The following C16orf96 variants were observed in gnomAD, a reference collection of about 807,000 sequenced individuals.
The protein encoded by C16orf96 is chromosome 16 open reading frame 96.
C16orf96 carries 108 observed loss-of-function variants against 103.6 expected under a neutral mutation model. That is an observed-to-expected ratio of 1.04 (90% CI 0.89 to 1.22). C16orf96 has a LOEUF of 1.22. C16orf96 is among the 50% of genes most tolerant of loss of function. The probability of loss-of-function intolerance (pLI) is 0.00; values close to 1 mark genes in which losing one functional copy is unlikely to be tolerated. For synonymous variants in C16orf96, 566 were observed against 593.5 expected, an observed-to-expected ratio of 0.95 and a Z score of 0.67; for missense variants, 1,586 against 1,464.2, an observed-to-expected ratio of 1.08 and a Z score of -1.36.
At position 4,576,606 on chromosome 16, in the gene C16orf96, G is replaced by A; in HGVS notation, c.2126G>A (p.Cys709Tyr). 1.3e-6 allele frequency: 2 copies of A among 1,551,514 alleles called. No homozygotes were observed. The highest frequency in any genetic ancestry group is 1.2e-5 in the South Asian group (1 of 84,046). ...AAGGAAGAATTTGCCCAGCTGTCCTGTAACCTGAACCAGCGCTTGAGTTAT... is the reference window on the plus strand; with the variant it reads ...AAGGAAGAATTTGCCCAGCTGTCCTATAACCTGAACCAGCGCTTGAGTTAT... ...SLKEEFAQLS[C>Y]NLNQRLSYLA... The change falls in exon 5 of 16, where the codon TGT becomes TAT. Residue 709 changes from cysteine to tyrosine, a missense_variant. Physicochemically the swap from Cys to Tyr is radical, Grantham distance 194. Coordinates refer to ENST00000444310, the MANE Select transcript of C16orf96 (RefSeq NM_001145011.2).
chr16:4,554,587 C>T (rs559610344), upstream of C16orf96, among the ~76,000 whole-genome samples: 27 of 151,992 alleles, frequency 1.8e-4, no homozygotes, highest in South Asian at 2.7e-3. Flanking sequence ...AATCTTCTGA[C>T]CTCGTGATCT....
chr16:4,586,417 G>T (rs760233750), intron 7 of C16orf96, among the ~76,000 whole-genome samples: 6 of 152,230 alleles, frequency 3.9e-5, no homozygotes, highest in African/African-American at 9.7e-5. Context: ...GCGTGAGCGG[G>T]ACACCCGACA....
At chr16:4,544,855 G>T in the C16orf96 span, among the ~76,000 whole-genome samples, 75 of 152,178 alleles carry the variant, frequency 4.9e-4, no homozygotes, top group African/African-American at 1.6e-3. Flanking sequence ...ACGGGAACTG[G>T]GGACTAGATG....
the C16orf96 span, among the ~76,000 whole-genome samples, chr16:4,542,235 C>T: frequency 2.5e-3 from 379 of 152,282 alleles, 5 homozygotes; most frequent in Non-Finnish European, 3.8e-3. Context: ...TGTGGTGGCT[C>T]ATGCCCATAG....
the C16orf96 span, among the ~76,000 whole-genome samples, chr16:4,546,859 T>A: frequency 1.3e-5 from 2 of 152,350 alleles, no homozygotes; most frequent in East Asian, 3.9e-4. Flanking sequence ...TATTATTCAT[T>A]CCATAAAAAG....
chr16:4,592,822 C>T (rs141219874), intron 11 of C16orf96, among the ~76,000 whole-genome samples: 109 of 152,176 alleles, frequency 7.2e-4, no homozygotes, highest in Admixed American at 1.2e-3. Context: ...TAGGATTGTG[C>T]CACTGCTCTC....
Position 4,575,247 on chromosome 16 carries a change from C to T in C16orf96, c.767C>T (p.Thr256Ile), listed in dbSNP as rs576640190. 1.9e-6 allele frequency: 3 copies of T among 1,549,338 alleles called. No individual in the cohort carries two copies. In the East Asian group the frequency reaches 7.3e-5, roughly 38 times the overall value. Residue 256 changes from threonine to isoleucine, a missense_variant, in exon 5 of 16, where the codon ACC (threonine) becomes ATC (isoleucine). Physicochemically the swap from Thr to Ile is moderately conservative, Grantham distance 89. Coordinates refer to ENST00000444310, the MANE Select transcript of C16orf96 (RefSeq NM_001145011.2). ...CCAGAGGCTGCCCTGGCCCAGACCA[C>T]CAAGTACCTTGAAGCTACTCGTGCC... is the stretch of plus-strand genomic sequence containing the variant. ...QLPEAALAQT[T>I]KYLEATRAIQ...
chr16:4,539,067 T>C, the C16orf96 span, among the ~76,000 whole-genome samples: 13 of 152,186 alleles, frequency 8.5e-5, no homozygotes, highest in Non-Finnish European at 1.9e-4. Context: ...GCGACTAATA[T>C]TTATTGAGTT....
At chr16:4,577,587 C>T (rs866699949) in intron 5 of C16orf96, among the ~76,000 whole-genome samples, 1 of 151,186 alleles carries the variant, frequency 6.6e-6, no homozygotes, top group Non-Finnish European at 1.5e-5. Flanking sequence ...GGAGGCGAAG[C>T]TTGCAGTGAG....
intron 7 of C16orf96, among the ~76,000 whole-genome samples, chr16:4,583,319 G>A (rs766675309): frequency 2.0e-5 from 3 of 151,710 alleles, no homozygotes; most frequent in South Asian, 2.1e-4. Flanking sequence ...TGGACAATAC[G>A]GCAAGGCCCC....
At chr16:4,559,340 C>T (rs1324754506) in intron 1 of C16orf96, among the ~76,000 whole-genome samples, 1 of 151,740 alleles carries the variant, frequency 6.6e-6, no homozygotes, top group Non-Finnish European at 1.5e-5. Flanking sequence ...GTCAGGAGTT[C>T]GTGACCAGCC....
intron 5 of C16orf96, among the ~76,000 whole-genome samples, chr16:4,578,270 G>A (rs2059538314): frequency 6.6e-6 from 1 of 152,000 alleles, no homozygotes; most frequent in Non-Finnish European, 1.5e-5. Context: ...AGCCTTCCAA[G>A]TAGCTGGGAC....
chr16:4,583,698 G>A (rs142721610), intron 7 of C16orf96, among the ~76,000 whole-genome samples: 114 of 152,100 alleles, frequency 7.5e-4, no homozygotes, highest in African/African-American at 2.7e-3. Flanking sequence ...CGACATGGGC[G>A]GATCACTTGA....
the C16orf96 span, among the ~76,000 whole-genome samples, chr16:4,545,930 A>G: frequency 6.6e-6 from 1 of 151,588 alleles, no homozygotes; most frequent in African/African-American, 2.4e-5. Flanking sequence ...GCTCACCACA[A>G]CTTCCGCCTC....
At chr16:4,572,766 T>C (rs149410174) in intron 2 of C16orf96, among the ~76,000 whole-genome samples, 4 of 152,262 alleles carry the variant, frequency 2.6e-5, no homozygotes, top group African/African-American at 9.6e-5. Flanking sequence ...ATAATCATAA[T>C]AGTGCAGGCA....
chr16:4,554,746 G>A (rs867229776), upstream of C16orf96, among the ~76,000 whole-genome samples: 10 of 149,710 alleles, frequency 6.7e-5, no homozygotes, highest in Middle Eastern at 3.7e-3. Context: ...TCTGCCTCCC[G>A]GGTTCAAGTG....
intron 5 of C16orf96, 87 bp from the exon 6 acceptor site, chr16:4,578,853 A>G (rs2059546248): frequency 3.1e-6 from 3 of 952,962 alleles, no homozygotes; most frequent in Non-Finnish European, 1.6e-6. Flanking sequence ...GCTGCCTGAG[A>G]TGCTCCATAA....
intron 1 of C16orf96, chr16:4,563,008 T>C (rs1463119580): frequency 3.8e-6 from 4 of 1,060,938 alleles, no homozygotes; most frequent in East Asian, 2.4e-5. Context: ...ATCTGAAACA[T>C]GTTACCATCT....
upstream of C16orf96, among the ~76,000 whole-genome samples, chr16:4,554,236 G>A (rs1184786205): frequency 2.0e-5 from 3 of 152,232 alleles, no homozygotes; most frequent in African/African-American, 4.8e-5. Context: ...GAGCACAGGG[G>A]TTGTGAAGAG....
Sources: allele counts gnomAD v4.1 joint callset (sites outside exome capture counted in the v4.1 genomes callset), GRCh38; gene constraint gnomAD v4.1.1; transcripts MANE v1.5; gene names NCBI Gene and HGNC (gene_info 2026-07-23, HGNC 2026-07-21).